The following RELN variants were observed in gnomAD, a reference collection of about 807,000 sequenced individuals.
RELN encodes reelin.
A neutral mutation model predicts 427.6 loss-of-function variants in RELN; 108 were observed. The observed-to-expected ratio is 0.25, with a 90% CI of 0.22 to 0.30. The LOEUF (loss-of-function observed/expected upper bound fraction) is 0.30. Among genes scored for constraint, RELN ranks in the 10% least tolerant of loss-of-function variants. The pLI is 1.00. For synonymous variants in RELN, 1,524 were observed against 1,513.4 expected, an observed-to-expected ratio of 1.01 and a Z score of -0.16; for missense variants, 3,715 against 4,302.8, an observed-to-expected ratio of 0.86 and a Z score of 3.82.
At chr7:103,920,372 C>G (rs57803573) in intron 1 of RELN, among the ~76,000 whole-genome samples, 1 of 152,112 alleles carries the variant, frequency 6.6e-6, no homozygotes, top group Non-Finnish European at 1.5e-5. Flanking sequence ...TAACTGATAT[C>G]TAACTCAGAC....
In RELN at chr7:103,483,537, A is replaced by G. The variant is rs528108932; in HGVS notation, c.10181+116T>C. The stretch of plus-strand genomic sequence containing the variant: ...GTTAGTCTTCGTTCTGCCACCACCT[A>G]GTTTTGTGGCATTGGTGCATTAACT... On this transcript the variant is annotated intron_variant, in intron 62 of 64. Transcript: ENST00000428762. 47 of 1,020,008 alleles carry G rather than the reference A, an allele frequency of 4.6e-5. No individual in the cohort carries two copies. In the Middle Eastern group the frequency reaches 1.2e-3, roughly 26 times the overall value. The allele number at this position is 1,020,008 out of a possible 1,614,324, so 63.2% of individuals were successfully genotyped here.
rs60846683 is a variant in RELN, at chr7:103,491,823, G to GTCTCTC, written c.9443+124_9443+129dup. On this transcript the variant is annotated intron_variant, in intron 58 of 64. Transcript: ENST00000428762. Reference sequence around the variant, plus strand: ...CAGCCTGGGCAACAAGAGCGAAACTGTCTCTCTCTCTCTCTCTCTCTCTCT... The same window carrying GTCTCTC: ...CAGCCTGGGCAACAAGAGCGAAACTGTCTCTCTCTCTCTCTCTCTCTCTCTCTCTCT... The GTCTCTC allele has an allele frequency of 1.2e-3, 536 of 428,962 alleles. 4 individuals are homozygous for GTCTCTC. Among genetic ancestry groups the GTCTCTC allele is most frequent in the African/African-American group, 6.3e-3 (253 of 40,352 alleles). The allele number at this position is 428,962 out of a possible 1,614,324, so 26.6% of individuals were successfully genotyped here.
intron 1 of RELN, among the ~76,000 whole-genome samples, chr7:103,965,009 A>G (rs1216203432): frequency 6.6e-6 from 1 of 152,230 alleles, no homozygotes; most frequent in Non-Finnish European, 1.5e-5. Flanking sequence ...TGAGGAAGAA[A>G]TAATTTATAT....
chr7:103,611,979 A>T (rs1192642444), intron 20 of RELN, among the ~76,000 whole-genome samples, 176 bp from the exon 21 acceptor site: 1 of 152,210 alleles, frequency 6.6e-6, no homozygotes, highest in Non-Finnish European at 1.5e-5. Flanking sequence ...CAAGCTTTCA[A>T]AGATGAAACT....
chr7:103,743,060 T>G (rs1380367110), intron 6 of RELN, among the ~76,000 whole-genome samples: 1 of 149,318 alleles, frequency 6.7e-6, no homozygotes, highest in Non-Finnish European at 1.5e-5. Context: ...TAACAGCTGA[T>G]CTCTCAGCAG....
At chr7:103,521,091 C>G (rs1336153657) in intron 48 of RELN, among the ~76,000 whole-genome samples, 3 of 149,334 alleles carry the variant, frequency 2.0e-5, no homozygotes, top group Admixed American at 6.7e-5. Context: ...ATTCTCCTGC[C>G]TCAGCCTCCC....
chr7:103,905,461 A>G (rs781341315), intron 2 of RELN, among the ~76,000 whole-genome samples: 1 of 152,182 alleles, frequency 6.6e-6, no homozygotes, highest in Non-Finnish European at 1.5e-5. Context: ...ATGTGTACAC[A>G]TATATGGACA....
intron 2 of RELN, among the ~76,000 whole-genome samples, chr7:103,862,409 TTCTATCTATCTATCTATCTATCTA>T (rs66998908): frequency 4.8e-5 from 7 of 144,840 alleles, no homozygotes; most frequent in Admixed American, 7.0e-5. Context: ...TATGCTTTTG[TTCTATCTATCTATCTATCTATCTA>T]TCTATCTATC....
At chr7:103,792,880 A>C (rs1792202522) in intron 3 of RELN, among the ~76,000 whole-genome samples, 1 of 152,200 alleles carries the variant, frequency 6.6e-6, no homozygotes, top group East Asian at 1.9e-4. Flanking sequence ...GCATAATAAT[A>C]CTGGGGACAG....
intron 63 of RELN, among the ~76,000 whole-genome samples, chr7:103,479,214 C>T (rs1828142434): frequency 6.6e-6 from 1 of 152,058 alleles, no homozygotes; most frequent in Non-Finnish European, 1.5e-5. Flanking sequence ...AGTATGAGTG[C>T]CCAACAAAAA....
chr7:103,654,706 G>A (rs1219265492), intron 12 of RELN, among the ~76,000 whole-genome samples: 1 of 151,962 alleles, frequency 6.6e-6, no homozygotes, highest in East Asian at 1.9e-4. Context: ...AATGCAATTT[G>A]TTTTACATTT....
intron 8 of RELN, among the ~76,000 whole-genome samples, chr7:103,712,845 G>A (rs1789838772): frequency 6.6e-6 from 1 of 151,466 alleles, no homozygotes; most frequent in Non-Finnish European, 1.5e-5. Flanking sequence ...CAATCAATTG[G>A]TGTTTAGTCT....
chr7:103,785,383 C>T (rs906485044), intron 3 of RELN, among the ~76,000 whole-genome samples: 2 of 152,088 alleles, frequency 1.3e-5, no homozygotes, highest in Non-Finnish European at 2.9e-5. Context: ...ACAATGTTTT[C>T]TGCTGGATAT....
chr7:103,982,837 T>G (rs1797020634), intron 1 of RELN, among the ~76,000 whole-genome samples: 1 of 152,180 alleles, frequency 6.6e-6, no homozygotes, highest in Non-Finnish European at 1.5e-5. Context: ...AATCAATAAT[T>G]TTCTTTTTAA....
intron 3 of RELN, among the ~76,000 whole-genome samples, chr7:103,780,021 C>G (rs113639050): frequency 7.9e-5 from 12 of 152,198 alleles, no homozygotes; most frequent in Non-Finnish European, 1.2e-4. Context: ...CGACCACACC[C>G]GGCCCAGGGC....
At chr7:103,941,053 T>A (rs1182477828) in intron 1 of RELN, among the ~76,000 whole-genome samples, 2 of 152,200 alleles carry the variant, frequency 1.3e-5, no homozygotes, top group Non-Finnish European at 2.9e-5. Flanking sequence ...CCTCCCTGGA[T>A]GTTATTACCC....
At chr7:103,790,998 G>A (rs1028071629) in intron 3 of RELN, among the ~76,000 whole-genome samples, 1 of 151,586 alleles carries the variant, frequency 6.6e-6, no homozygotes, top group Non-Finnish European at 1.5e-5. Flanking sequence ...AAAAAAGACA[G>A]AAAGAAAACA....
chr7:103,661,998 G>A (rs1280021337), intron 11 of RELN, among the ~76,000 whole-genome samples: 1 of 152,152 alleles, frequency 6.6e-6, no homozygotes, highest in Non-Finnish European at 1.5e-5. Flanking sequence ...TTTCAAAAAG[G>A]AGATGGGATT....
At chr7:103,780,320 T>G (rs1467147072) in intron 3 of RELN, among the ~76,000 whole-genome samples, 2 of 152,264 alleles carry the variant, frequency 1.3e-5, no homozygotes, top group East Asian at 1.9e-4. Context: ...ATATTTAGTC[T>G]TCACCTAGTA....
Sources: allele counts gnomAD v4.1 joint callset (sites outside exome capture counted in the v4.1 genomes callset), GRCh38; gene constraint gnomAD v4.1.1; transcripts MANE v1.5; gene names NCBI Gene and HGNC (gene_info 2026-07-23, HGNC 2026-07-21).